The following NT5DC3 variants were observed in gnomAD, a reference collection of about 807,000 sequenced individuals.
NT5DC3 encodes 5'-nucleotidase domain-containing protein 3.
In NT5DC3, 42 loss-of-function variants were observed where a neutral mutation model predicts 67.8. The ratio of observed to expected loss-of-function variants is 0.62; its 90% CI spans 0.48 to 0.80. NT5DC3 has a LOEUF of 0.80. Among genes scored for constraint, NT5DC3 ranks in the 30% least tolerant of loss-of-function variants. NT5DC3 has a pLI of 0.00. For missense variants in NT5DC3, 570 were observed against 696.4 expected (o/e 0.82, Z 2.04); for synonymous variants, 237 against 255.6 (o/e 0.93, Z 0.69).
chr12:103,803,861 C>CA (rs1411559518), intron 4 of NT5DC3, among the ~76,000 whole-genome samples: 2 of 121,408 alleles, frequency 1.6e-5, no homozygotes, highest in African/African-American at 2.8e-5. Context: ...TCATTACCAC[C>CA]CCCCCCCCAA....
Position 103,777,633 on chromosome 12 carries a change from T to C in NT5DC3, c.*196A>G. 2 of 611,160 alleles carry C rather than the reference T, an allele frequency of 3.3e-6. No individual in the cohort carries two copies. The highest frequency in any genetic ancestry group is 5.5e-6 in the Non-Finnish European group (2 of 363,794). 37.9% of individuals were successfully genotyped at this position (611,160 alleles called of 1,614,324 possible). A position where few individuals can be genotyped will look rare whatever the true frequency, so the allele number is the denominator to read the frequency against. On this transcript the variant is annotated 3_prime_UTR_variant, in exon 14 of 14. Coordinates refer to ENST00000392876, the MANE Select transcript of NT5DC3 (RefSeq NM_001031701.3). ...GTGAAGCTTGCCTTTCAGCCCTGCA[T>C]GGGGGGAAAGGCTGGAGGGGTGGGC...
intron 6 of NT5DC3, among the ~76,000 whole-genome samples, chr12:103,796,609 G>A (rs941294315): frequency 1.3e-5 from 2 of 152,176 alleles, no homozygotes; most frequent in Admixed American, 6.5e-5. Flanking sequence ...TCATCCCTTT[G>A]GCCAAGTGCA....
intron 2 of NT5DC3, 142 bp from the exon 3 acceptor site, chr12:103,807,071 C>A: frequency 1.7e-6 from 1 of 586,860 alleles, no homozygotes; most frequent in Non-Finnish European, 3.1e-6. Flanking sequence ...CACAGCTTGT[C>A]CCTCTGCTTC....
At chr12:103,801,634 G>C (rs1566112237) in intron 4 of NT5DC3, among the ~76,000 whole-genome samples, 2 of 152,002 alleles carry the variant, frequency 1.3e-5, no homozygotes, top group Admixed American at 1.3e-4. Flanking sequence ...ACCTGCCTCA[G>C]CCTCCCAAAG....
intron 4 of NT5DC3, among the ~76,000 whole-genome samples, chr12:103,801,159 C>A (rs1248068195): frequency 6.6e-6 from 1 of 152,040 alleles, no homozygotes; most frequent in Non-Finnish European, 1.5e-5. Flanking sequence ...GGTGTAGGGA[C>A]TGGGGACCTG....
intron 1 of NT5DC3, among the ~76,000 whole-genome samples, chr12:103,840,071 C>T (rs1888313132): frequency 6.6e-6 from 1 of 152,178 alleles, no homozygotes; most frequent in Admixed American, 6.5e-5. Flanking sequence ...GGGTTAGGAG[C>T]TGAGACAGTC....
chr12:103,776,271 G>C lies in NT5DC3; in HGVS notation c.*1558C>G, dbSNP rs1172387012. Reference sequence around the variant, plus strand: ...TTGCCCCTAGAAAGAAATGAAAAAAGCAGGCCAGGTGCGGTGGCTCACACC... The same window carrying C: ...TTGCCCCTAGAAAGAAATGAAAAAACCAGGCCAGGTGCGGTGGCTCACACC... On this transcript the variant is annotated 3_prime_UTR_variant, in exon 14 of 14. Coordinates refer to ENST00000392876, the MANE Select transcript of NT5DC3 (RefSeq NM_001031701.3). 4 of 152,126 alleles carry C rather than the reference G, an allele frequency of 2.6e-5. No homozygotes were observed. Among genetic ancestry groups the C allele is most frequent in the African/African-American group, 9.7e-5 (4 of 41,408 alleles). 9.4% of individuals were successfully genotyped at this position (152,126 alleles called of 1,614,324 possible). A position where few individuals can be genotyped will look rare whatever the true frequency, so the allele number is the denominator to read the frequency against.
downstream of NT5DC3, chr12:103,768,860 G>A (rs1159727366): frequency 6.6e-6 from 1 of 151,928 alleles, no homozygotes; most frequent in East Asian, 1.9e-4. Context: ...AGACAGCACG[G>A]CAGGTTTACT....
At chr12:103,763,210 AG>A in the NT5DC3 span, 1 of 339,586 alleles carries the variant, frequency 2.9e-6, no homozygotes, top group East Asian at 5.6e-5. Flanking sequence ...CCTGGGTGGC[AG>A]GCACCAGCAG....
Position 103,806,946 on chromosome 12 carries a change from GA to G in NT5DC3, c.394-18del. On this transcript the variant is annotated intron_variant, in intron 2 of 13. Coordinates refer to ENST00000392876, the MANE Select transcript of NT5DC3 (RefSeq NM_001031701.3). ...TGCTGGATACTAAGAAAGAAGAAAGGAACTGGTTTTAGCCAACAATGTGCCA... is the reference window on the plus strand; with the variant it reads ...TGCTGGATACTAAGAAAGAAGAAAGGACTGGTTTTAGCCAACAATGTGCCA... 1 of 1,522,176 alleles carries G rather than the reference GA, an allele frequency of 6.6e-7. No homozygotes were observed. Among genetic ancestry groups the G allele is most frequent in the Non-Finnish European group, 9.1e-7 (1 of 1,096,554 alleles). The allele number at this position is 1,522,176 out of a possible 1,614,324, so 94.3% of individuals were successfully genotyped here.
chr12:103,800,908 A>G (rs560230364), intron 4 of NT5DC3, among the ~76,000 whole-genome samples: 3 of 152,276 alleles, frequency 2.0e-5, no homozygotes, highest in South Asian at 2.1e-4. Context: ...AAAAGTGCCT[A>G]TTTCCTGATG....
intron 1 of NT5DC3, among the ~76,000 whole-genome samples, chr12:103,836,990 G>A (rs1005804801): frequency 5.3e-5 from 8 of 152,168 alleles, no homozygotes; most frequent in East Asian, 1.9e-4. Flanking sequence ...TTTCCCTTCC[G>A]CAATGCCCTA....
chr12:103,754,847 G>A, the NT5DC3 span, among the ~76,000 whole-genome samples: 1 of 151,850 alleles, frequency 6.6e-6, no homozygotes, highest in Non-Finnish European at 1.5e-5. Flanking sequence ...CCAGGAGGTT[G>A]AGACAGGAGA....
At chr12:103,799,667 T>C (rs1886476970) in intron 4 of NT5DC3, among the ~76,000 whole-genome samples, 1 of 152,166 alleles carries the variant, frequency 6.6e-6, no homozygotes, top group Non-Finnish European at 1.5e-5. Flanking sequence ...CCCCGTGACA[T>C]GAGGCAGGAA....
chr12:103,755,805 G>A, the NT5DC3 span: 1 of 1,275,344 alleles, frequency 7.8e-7, no homozygotes, highest in Non-Finnish European at 1.1e-6. Context: ...TAAGCTGAAG[G>A]CCACAGTCAC....
chr12:103,788,625 T>C (rs754556205), intron 10 of NT5DC3, among the ~76,000 whole-genome samples: 8 of 152,150 alleles, frequency 5.3e-5, no homozygotes, highest in Non-Finnish European at 8.8e-5. Flanking sequence ...ATTTTGTTTT[T>C]AAAAAAACAT....
the NT5DC3 span, among the ~76,000 whole-genome samples, chr12:103,754,622 A>G: frequency 1.3e-5 from 2 of 152,104 alleles, no homozygotes; most frequent in Non-Finnish European, 2.9e-5. Flanking sequence ...TAATTATAAT[A>G]ACGATGAGAG....
intron 11 of NT5DC3, chr12:103,785,831 A>C (rs1885748318): frequency 2.3e-6 from 1 of 440,016 alleles, no homozygotes; most frequent in Non-Finnish European, 4.3e-6. Context: ...AAAGGTCTTC[A>C]TTCAATTCAT....
chr12:103,839,630 G>A (rs142517699), intron 1 of NT5DC3, among the ~76,000 whole-genome samples: 7 of 152,272 alleles, frequency 4.6e-5, no homozygotes, highest in Non-Finnish European at 7.4e-5. Context: ...CAAAAGCTGG[G>A]TTTGATAATC....
Sources: gnomAD v4.1 joint callset for allele counts (sites outside exome capture counted in the v4.1 genomes callset) on GRCh38, gnomAD v4.1.1 for gene constraint, MANE v1.5 for transcripts, NCBI Gene and HGNC (gene_info 2026-07-23, HGNC 2026-07-21) for gene names.